The following TDRKH variants were observed in gnomAD, a reference collection of about 807,000 sequenced individuals.
TDRKH encodes the protein tudor and KH domain-containing protein.
Under a neutral mutation model 61.3 loss-of-function variants are expected in TDRKH, and 28 were observed. The ratio of observed to expected loss-of-function variants is 0.46; its 90% CI spans 0.34 to 0.63. TDRKH has a LOEUF of 0.63. TDRKH is among the 20% of genes least tolerant of loss of function. The pLI, the probability that TDRKH is intolerant of heterozygous loss-of-function variation, is 0.01. For synonymous variants in TDRKH, 219 were observed against 244.4 expected (o/e 0.90, Z 0.97); for missense variants, 540 against 683.4 (o/e 0.79, Z 2.34).
At chr1:151,773,221 T>A (rs1176604307), downstream of TDRKH, among the ~76,000 whole-genome samples, 2 of 152,082 alleles carry the variant, frequency 1.3e-5, no homozygotes, top group East Asian at 3.9e-4. Flanking sequence ...TTTTTGTATT[T>A]TTAGTAGAGA....
chr1:151,778,109 T>C (rs1014941489), intron 6 of TDRKH, among the ~76,000 whole-genome samples: 3 of 152,166 alleles, frequency 2.0e-5, no homozygotes, highest in Non-Finnish European at 4.4e-5. Context: ...CCACCCTGTC[T>C]ATTTATACCT....
intron 2 of TDRKH, 86 bp downstream of exon 2, chr1:151,782,813 C>T: frequency 6.9e-7 from 1 of 1,451,804 alleles, no homozygotes; most frequent in Non-Finnish European, 9.1e-7. Context: ...ACACACAATA[C>T]CTGGCAAGGA....
chr1:151,777,737 T>TTTTTTGG (rs397780149), intron 6 of TDRKH, among the ~76,000 whole-genome samples: 1 of 150,038 alleles, frequency 6.7e-6, no homozygotes, highest in African/African-American at 2.5e-5. Flanking sequence ...TTTTTTTTTT[T>TTTTTTGG]GAGACAGGAT....
chr1:151,784,836 A>G (rs927068307), intron 1 of TDRKH, among the ~76,000 whole-genome samples: 3 of 149,238 alleles, frequency 2.0e-5, no homozygotes, highest in African/African-American at 7.5e-5. Flanking sequence ...GCCTACATGG[A>G]TCTCCATTTG....
downstream of TDRKH, among the ~76,000 whole-genome samples, chr1:151,768,814 C>G (rs981931064): frequency 3.3e-5 from 5 of 152,274 alleles, no homozygotes; most frequent in East Asian, 5.8e-4. Flanking sequence ...GACCCTGCGG[C>G]CTTCCGCAGT....
downstream of TDRKH, chr1:151,766,773 A>C (rs1241654280): frequency 6.4e-7 from 1 of 1,570,884 alleles, no homozygotes. Flanking sequence ...TTATATCAAG[A>C]GGGGAAAAAC....
At position 151,779,964 on chromosome 1, in the gene TDRKH, C is replaced by G. The variant is rs1649591269; in HGVS notation, c.408G>C (p.Val136=). 6.2e-7 allele frequency: 1 copy of G among 1,612,326 alleles called. No homozygotes were observed. The highest frequency in any genetic ancestry group is 8.5e-7 in the Non-Finnish European group (1 of 1,178,652). Residue 136 remains valine, a synonymous_variant, in exon 4 of 13, where the codon GTG becomes GTC. Coordinates refer to ENST00000368824, the MANE Select transcript of TDRKH (RefSeq NM_001083965.2). ...SEQLSVPQRS[V]GRIIGRGGET... The stretch of plus-strand genomic sequence containing the variant: ...ATCCAGTGGTACCTATGATTCTGCC[C>G]ACAGATCTCTGGGGAACTGAAAGCT...
intron 3 of TDRKH, among the ~76,000 whole-genome samples, chr1:151,781,268 G>A (rs1036264543): frequency 6.9e-6 from 1 of 144,378 alleles, no homozygotes; most frequent in African/African-American, 2.5e-5. Flanking sequence ...AGTGAGCCGA[G>A]ATCGTGCCAT....
At chr1:151,770,107 GGAGAC>G, downstream of TDRKH, 2 of 456,716 alleles carry the variant, frequency 4.4e-6, no homozygotes, top group Non-Finnish European at 3.6e-6. Context: ...ATGGGGAGAC[GGAGAC>G]GGAGAGGGAG....
chr1:151,774,920 A>G, intron 11 of TDRKH, 114 bp from the exon 12 acceptor site: 1 of 1,391,854 alleles, frequency 7.2e-7, no homozygotes, highest in Non-Finnish European at 1.0e-6. Flanking sequence ...TTGGCTACCA[A>G]GAGGGACAAA....
chr1:151,767,894 G>A, downstream of TDRKH: 1 of 861,252 alleles, frequency 1.2e-6, no homozygotes, highest in Non-Finnish European at 1.8e-6. Flanking sequence ...AATAGGCATA[G>A]GCTATTAGTT....
In TDRKH at chr1:151,774,763, G is replaced by A; in HGVS notation, c.1580C>T (p.Thr527Ile). The stretch of plus-strand genomic sequence containing the variant: ...TGTTATCTCTCCAGAGCTCTTTTTG[G>A]TCTCAGTGAGCAACGTGCTGAGAGA... ...DASLSTLLTE[T>I]KKSSGEITHT... The change falls in exon 12 of 13, where the codon ACC (threonine) becomes ATC (isoleucine). Residue 527 changes from threonine to isoleucine, a missense_variant. By Grantham distance (89) the Thr-to-Ile change is moderately conservative. This residue lies in a region of TDRKH where 379 missense variants were observed against 443.8 expected (regional missense o/e 0.85). Transcript: ENST00000368824. The A allele has an allele frequency of 6.2e-7, 1 of 1,614,168 alleles. No individual in the cohort carries two copies. Among genetic ancestry groups the A allele is most frequent in the Non-Finnish European group, 8.5e-7 (1 of 1,180,026 alleles).
intron 11 of TDRKH, 48 bp from the exon 12 acceptor site, chr1:151,774,854 GA>G (rs779864891): frequency 6.3e-7 from 1 of 1,589,104 alleles, no homozygotes; most frequent in Non-Finnish European, 8.6e-7. Flanking sequence ...TGGCTTTTAG[GA>G]AAAAAGAGGC....
At chr1:151,788,905 C>T (rs570372012) in intron 1 of TDRKH, among the ~76,000 whole-genome samples, 3 of 152,302 alleles carry the variant, frequency 2.0e-5, no homozygotes, top group African/African-American at 7.2e-5. Flanking sequence ...CCCTTGATAA[C>T]ACATGCCATG....
At position 151,774,449 on chromosome 1, in the gene TDRKH, A is replaced by G; in HGVS notation, c.*3T>C. ...GATGGCTGAGCAAACTGAAGCCCAG[A>G]CTTCAGAGTAAGTAGTCATCTTCAA... is the stretch of plus-strand genomic sequence containing the variant. On this transcript the variant is annotated 3_prime_UTR_variant, in exon 13 of 13. Coordinates refer to ENST00000368824, the MANE Select transcript of TDRKH (RefSeq NM_001083965.2). 1.2e-6 allele frequency: 2 copies of G among 1,614,062 alleles called. No homozygotes were observed. Among genetic ancestry groups the G allele is most frequent in the Non-Finnish European group, 1.7e-6 (2 of 1,179,942 alleles).
At chr1:151,782,866 A>T in intron 2 of TDRKH, 33 bp downstream of exon 2, 1 of 1,522,882 alleles carries the variant, frequency 6.6e-7, no homozygotes, top group Non-Finnish European at 8.8e-7. Flanking sequence ...ATGTCTGAAC[A>T]TTTTCACACA....
downstream of TDRKH, chr1:151,766,777 GA>G: frequency 5.7e-6 from 9 of 1,573,192 alleles, no homozygotes; most frequent in Non-Finnish European, 7.8e-6. Context: ...ATCAAGAGGG[GA>G]AAAACACGTA....
chr1:151,774,632 T>G, intron 12 of TDRKH, 78 bp downstream of exon 12: 2 of 1,589,972 alleles, frequency 1.3e-6, no homozygotes, highest in Non-Finnish European at 1.7e-6. Flanking sequence ...AGCCTTCAAT[T>G]AACCTCCCTA....
downstream of TDRKH, chr1:151,771,147 C>G: frequency 1.2e-6 from 2 of 1,613,790 alleles, no homozygotes; most frequent in Non-Finnish European, 8.5e-7. Flanking sequence ...CCCTCCCTCC[C>G]TTGGACAATG....
Sources: allele counts gnomAD v4.1 joint callset (sites outside exome capture counted in the v4.1 genomes callset), GRCh38; gene constraint gnomAD v4.1.1; regional missense constraint gnomAD v4.1.1; transcripts MANE v1.5; gene names NCBI Gene and HGNC (gene_info 2026-07-23, HGNC 2026-07-21).